GOLIM4: variants seen among roughly 807,000 people sequenced by gnomAD.
GOLIM4 encodes the protein golgi integral membrane protein 4.
GOLIM4 carries 71 observed loss-of-function variants against 107.4 expected under a neutral mutation model. That is an observed-to-expected ratio of 0.66 (90% CI 0.55 to 0.81). The LOEUF (loss-of-function observed/expected upper bound fraction) is 0.81. Among genes scored for constraint, GOLIM4 ranks in the 30% least tolerant of loss-of-function variants. The pLI, the probability that GOLIM4 is intolerant of heterozygous loss-of-function variation, is 0.00. For missense variants in GOLIM4, 830 were observed against 826.1 expected, an observed-to-expected ratio of 1.00 and a Z score of -0.06; for synonymous variants, 327 against 294.8, an observed-to-expected ratio of 1.11 and a Z score of -1.12.
intron 3 of GOLIM4, among the ~76,000 whole-genome samples, chr3:168,045,141 G>A (rs1361671387): frequency 2.0e-5 from 3 of 152,152 alleles, no homozygotes; most frequent in Non-Finnish European, 4.4e-5. Flanking sequence ...AGCCCTTAGA[G>A]ATGATTTCCT....
intron 1 of GOLIM4, among the ~76,000 whole-genome samples, chr3:168,078,368 ACTGCCCTT>A (rs1438521356): frequency 6.6e-6 from 1 of 152,172 alleles, no homozygotes; most frequent in Non-Finnish European, 1.5e-5. Flanking sequence ...AAAGATCACC[ACTGCCCTT>A]TTGCCATTTA....
intron 7 of GOLIM4, among the ~76,000 whole-genome samples, chr3:168,039,159 C>T (rs1718828787): frequency 6.6e-6 from 1 of 151,904 alleles, no homozygotes; most frequent in Non-Finnish European, 1.5e-5. Context: ...AGGATTGCAC[C>T]TAGTTCTGAC....
intron 1 of GOLIM4, among the ~76,000 whole-genome samples, chr3:168,093,324 A>T (rs994706652): frequency 6.6e-6 from 1 of 152,242 alleles, no homozygotes; most frequent in Non-Finnish European, 1.5e-5. Context: ...CCTGGGATGA[A>T]CTTACTCGCC....
intron 1 of GOLIM4, among the ~76,000 whole-genome samples, chr3:168,094,694 C>T (rs1043447542): frequency 6.6e-6 from 1 of 152,180 alleles, no homozygotes; most frequent in African/African-American, 2.4e-5. Flanking sequence ...CTGACAAAGT[C>T]AACAAGAAAG....
intron 5 of GOLIM4, among the ~76,000 whole-genome samples, chr3:168,042,867 C>T (rs747637518): frequency 1.3e-5 from 2 of 152,212 alleles, no homozygotes; most frequent in Admixed American, 6.5e-5. Context: ...ACAGTTGTCA[C>T]ACAACTTACC....
At chr3:168,088,178 G>GT (rs1370498546) in intron 1 of GOLIM4, among the ~76,000 whole-genome samples, 1 of 152,058 alleles carries the variant, frequency 6.6e-6, no homozygotes, top group African/African-American at 2.4e-5. Context: ...GCATTTTCAG[G>GT]TTTTTTCCAC....
In GOLIM4 at chr3:168,063,226, C is replaced by CAAAGT. The variant is rs1482473320; in HGVS notation, c.188-14862_188-14861insACTTT. On this transcript the variant is annotated intron_variant, in intron 1 of 15. Coordinates refer to ENST00000470487, the MANE Select transcript of GOLIM4 (RefSeq NM_014498.5). ...CTTAAAAAGATGTTACTCCTAAAGACCATGAAGACAAAGTCAACACTGGGG... is the reference window on the plus strand; with the variant it reads ...CTTAAAAAGATGTTACTCCTAAAGACAAAGTCATGAAGACAAAGTCAACACTGGGG... Among the ~76,000 whole-genome samples, 3 of 152,106 alleles carry CAAAGT rather than the reference C, an allele frequency of 2.0e-5. No homozygotes were observed. The East Asian group carries it at 5.8e-4, about 29-fold the overall frequency.
At chr3:168,058,106 A>G (rs1242316315) in intron 1 of GOLIM4, among the ~76,000 whole-genome samples, 2 of 152,204 alleles carry the variant, frequency 1.3e-5, no homozygotes, top group South Asian at 2.1e-4. Context: ...AAAAAAGAAC[A>G]TTCAGATTAA....
At chr3:168,093,914 A>AG (rs753150000) in intron 1 of GOLIM4, among the ~76,000 whole-genome samples, 1 of 152,256 alleles carries the variant, frequency 6.6e-6, no homozygotes, top group African/African-American at 2.4e-5. Context: ...GAAGCAAAGA[A>AG]GAGGCATCTG....
At chr3:168,094,354 T>C (rs1223292192) in intron 1 of GOLIM4, among the ~76,000 whole-genome samples, 2 of 152,242 alleles carry the variant, frequency 1.3e-5, no homozygotes, top group African/African-American at 4.8e-5. Context: ...TTCTCCTCTT[T>C]GGCTTCCCGA....
intron 4 of GOLIM4, 50 bp downstream of exon 4, chr3:168,044,778 A>C (rs1404924695): frequency 2.0e-6 from 2 of 1,012,278 alleles, no homozygotes; most frequent in South Asian, 1.5e-5. Flanking sequence ...CAGTTCAAGT[A>C]TTAGTTAATC....
chr3:168,049,298 T>C (rs1400971353), intron 1 of GOLIM4, among the ~76,000 whole-genome samples: 2 of 152,284 alleles, frequency 1.3e-5, no homozygotes, highest in East Asian at 3.9e-4. Flanking sequence ...AGACCAGACA[T>C]AACAATTAAT....
In GOLIM4 at chr3:168,048,390, T is replaced by C. The variant is rs771858712; in HGVS notation, c.188-25A>G. 2.6e-6 allele frequency: 3 copies of C among 1,142,112 alleles called. No individual in the cohort carries two copies. In the South Asian group the frequency reaches 4.2e-5, roughly 16 times the overall value. The allele number at this position is 1,142,112 out of a possible 1,614,324, so 70.7% of individuals were successfully genotyped here. On this transcript the variant is annotated intron_variant, in intron 1 of 15. Coordinates refer to ENST00000470487, the MANE Select transcript of GOLIM4 (RefSeq NM_014498.5). Reference sequence around the variant, plus strand: ...ACTGGAAAAAAAGTTAACATTTTTGTCTTCAAAGAATTAGAAATTTAAAAC... The same window carrying C: ...ACTGGAAAAAAAGTTAACATTTTTGCCTTCAAAGAATTAGAAATTTAAAAC...
chr3:168,022,473 CTTTA>C (rs944888315), intron 14 of GOLIM4, among the ~76,000 whole-genome samples: 3 of 152,136 alleles, frequency 2.0e-5, no homozygotes, highest in African/African-American at 4.8e-5. Flanking sequence ...CTATGTTCCC[CTTTA>C]TTTTTCTCAT....
chr3:168,091,119 A>G (rs942527697), intron 1 of GOLIM4, among the ~76,000 whole-genome samples: 1 of 152,230 alleles, frequency 6.6e-6, no homozygotes, highest in Non-Finnish European at 1.5e-5. Flanking sequence ...CAATATATGC[A>G]TGTGAGAAAT....
chr3:168,050,855 AATAAT>A, intron 1 of GOLIM4, among the ~76,000 whole-genome samples: 2 of 148,218 alleles, frequency 1.3e-5, no homozygotes, highest in African/African-American at 4.9e-5. Flanking sequence ...TAATAATAAT[AATAAT>A]AATAATAATA....
At chr3:168,033,815 G>T (rs4467501) in intron 8 of GOLIM4, among the ~76,000 whole-genome samples, 13,466 of 151,704 alleles carry the variant, frequency 0.089, 1,942 homozygotes, top group African/African-American at 0.3. Context: ...AGAAGAAATG[G>T]CTTTTTCAGA....
chr3:168,049,242 T>A (rs1719485314), intron 1 of GOLIM4, among the ~76,000 whole-genome samples: 1 of 152,114 alleles, frequency 6.6e-6, no homozygotes, highest in Non-Finnish European at 1.5e-5. Flanking sequence ...AAGCAGAAGC[T>A]GGACAGGAGG....
At chr3:168,045,269 T>C (rs1164511176) in intron 3 of GOLIM4, among the ~76,000 whole-genome samples, 2 of 151,896 alleles carry the variant, frequency 1.3e-5, no homozygotes, top group Non-Finnish European at 2.9e-5. Flanking sequence ...GAAGAAGAAA[T>C]AAACCGATGA....
Sources: gnomAD v4.1 joint callset for allele counts (sites outside exome capture counted in the v4.1 genomes callset) on GRCh38, gnomAD v4.1.1 for gene constraint, MANE v1.5 for transcripts, NCBI Gene and HGNC (gene_info 2026-07-23, HGNC 2026-07-21) for gene names.